DNM3: variants seen among roughly 807,000 people sequenced by gnomAD.
The protein encoded by DNM3 is dynamin 3, also known as dynamin-3.
DNM3 carries 47 observed loss-of-function variants against 101.6 expected under a neutral mutation model. The ratio of observed to expected loss-of-function variants is 0.46; its 90% CI spans 0.37 to 0.59. The LOEUF is 0.59. Among genes scored for constraint, DNM3 ranks in the 20% least tolerant of loss-of-function variants. DNM3 has a pLI of 0.00. For synonymous variants in DNM3, 385 were observed against 387.9 expected (o/e 0.99, Z 0.09); for missense variants, 849 against 1,085.7 (o/e 0.78, Z 3.06).
intron 4 of DNM3, among the ~76,000 whole-genome samples, chr1:172,026,471 T>A (rs1468983155): frequency 6.6e-6 from 1 of 151,734 alleles, no homozygotes; most frequent in African/African-American, 2.4e-5. Flanking sequence ...AGAAAGATAC[T>A]CCTTGAGAAG....
At chr1:172,316,801 C>A (rs972547868) in intron 16 of DNM3, among the ~76,000 whole-genome samples, 2 of 152,130 alleles carry the variant, frequency 1.3e-5, no homozygotes, top group African/African-American at 4.8e-5. Context: ...GAGACTTTAA[C>A]ACCCCACTGT....
chr1:171,896,918 A>C (rs2125206532), intron 1 of DNM3, among the ~76,000 whole-genome samples: 1 of 152,302 alleles, frequency 6.6e-6, no homozygotes, highest in Admixed American at 6.5e-5. Context: ...TGCTTTCTAA[A>C]GGGAAAAATT....
At chr1:172,333,416 C>A (rs1381710634) in intron 17 of DNM3, among the ~76,000 whole-genome samples, 1 of 152,094 alleles carries the variant, frequency 6.6e-6, no homozygotes, top group African/African-American at 2.4e-5. Context: ...AAGCCGTACA[C>A]CTGCATATTA....
chr1:172,388,603 G>A lies in DNM3; in HGVS notation c.2316G>A (p.Arg772=), dbSNP rs754506982. 3.7e-6 allele frequency: 6 copies of A among 1,613,832 alleles called. No individual in the cohort carries two copies. In the Admixed American group the frequency reaches 5.0e-5, roughly 13 times the overall value. ...RSPPPSPTTQ[R]RPTLSAPLAR... ...CTCCTCCAAGCCCCACAACCCAAAG[G>A]AGGCCAACACTAAGTGCTCCCCTCG... Residue 772 remains arginine (R), a synonymous_variant, in exon 20 of 21, where the codon AGG becomes AGA. Coordinates refer to ENST00000627582, the MANE Select transcript of DNM3 (RefSeq NM_015569.5).
intron 2 of DNM3, among the ~76,000 whole-genome samples, chr1:171,951,448 C>A (rs2042519569): frequency 6.6e-6 from 1 of 152,166 alleles, no homozygotes; most frequent in Non-Finnish European, 1.5e-5. Flanking sequence ...ACTTGATTTT[C>A]TCTTCTTTAA....
intron 14 of DNM3, chr1:172,131,754 G>A (rs1034404148): frequency 4.5e-5 from 16 of 351,728 alleles, no homozygotes; most frequent in Admixed American, 1.2e-4. Context: ...CGTCCACATC[G>A]CTAGTCTTCA....
chr1:171,966,319 C>T (rs1394899695), intron 2 of DNM3, among the ~76,000 whole-genome samples: 1 of 152,232 alleles, frequency 6.6e-6, no homozygotes, highest in Non-Finnish European at 1.5e-5. Context: ...GCTGCAGGAT[C>T]TCAAGCTCTC....
chr1:171,992,035 C>T (rs1571987916), intron 4 of DNM3, among the ~76,000 whole-genome samples: 2 of 152,180 alleles, frequency 1.3e-5, no homozygotes, highest in African/African-American at 4.8e-5. Context: ...TGTCTCACAT[C>T]CTCACAACTT....
At chr1:172,268,201 A>G (rs917308781) in intron 15 of DNM3, among the ~76,000 whole-genome samples, 3 of 152,064 alleles carry the variant, frequency 2.0e-5, no homozygotes, top group African/African-American at 7.3e-5. Flanking sequence ...ATTTGTCATT[A>G]TAAATCTGGA....
At chr1:172,060,593 G>A (rs1196081538) in intron 10 of DNM3, among the ~76,000 whole-genome samples, 9 of 80,266 alleles carry the variant, frequency 1.1e-4, no homozygotes, top group South Asian at 4.9e-4. Context: ...ACAAGCAATG[G>A]GGAAAGGATT....
chr1:172,418,354 G>A (rs773844677), exon 21 of DNM3: 47 of 1,283,422 alleles, frequency 3.7e-5, no homozygotes, highest in Non-Finnish European at 4.6e-5. Context: ...CCAACAACAT[G>A]TCTATCCATG....
At chr1:172,000,228 G>T (rs2046276464) in intron 4 of DNM3, among the ~76,000 whole-genome samples, 1 of 152,000 alleles carries the variant, frequency 6.6e-6, no homozygotes, top group African/African-American at 2.4e-5. Context: ...AGTGACTGTG[G>T]CATTCCAGAG....
intron 13 of DNM3, among the ~76,000 whole-genome samples, chr1:172,126,980 A>T (rs1438086027): frequency 1.3e-5 from 2 of 152,106 alleles, no homozygotes; most frequent in Non-Finnish European, 2.9e-5. Flanking sequence ...TGGAAAAGAG[A>T]ACACAATTAC....
chr1:171,949,158 T>G (rs1277351152), intron 2 of DNM3, among the ~76,000 whole-genome samples: 1 of 152,292 alleles, frequency 6.6e-6, no homozygotes, highest in East Asian at 1.9e-4. Context: ...AGTAAAATAT[T>G]ACTAATTTTT....
chr1:171,885,801 C>T (rs1171846272), intron 1 of DNM3, among the ~76,000 whole-genome samples: 2 of 152,126 alleles, frequency 1.3e-5, no homozygotes, highest in African/African-American at 2.4e-5. Context: ...GCAGACTCTA[C>T]CAGTGTATAC....
At chr1:172,066,828 G>T (rs891035872) in intron 10 of DNM3, among the ~76,000 whole-genome samples, 1 of 151,986 alleles carries the variant, frequency 6.6e-6, no homozygotes, top group Non-Finnish European at 1.5e-5. Context: ...CAGATACTAG[G>T]TAGTTTATAG....
At chr1:172,128,042 C>T (rs2056740806) in intron 13 of DNM3, among the ~76,000 whole-genome samples, 1 of 152,178 alleles carries the variant, frequency 6.6e-6, no homozygotes, top group African/African-American at 2.4e-5. Flanking sequence ...CAACCTCATA[C>T]TCCTTGAAAT....
chr1:171,886,897 T>G (rs2036827977), intron 1 of DNM3, among the ~76,000 whole-genome samples: 1 of 152,174 alleles, frequency 6.6e-6, no homozygotes, highest in Admixed American at 6.5e-5. Context: ...TCGTTTCTGG[T>G]TTAATGTTTT....
At chr1:171,875,380 C>T (rs2035667659) in intron 1 of DNM3, among the ~76,000 whole-genome samples, 1 of 152,100 alleles carries the variant, frequency 6.6e-6, no homozygotes, top group South Asian at 2.1e-4. Context: ...ATTGTTTGTA[C>T]CAAAGTTACT....
Sources: allele counts gnomAD v4.1 joint callset (sites outside exome capture counted in the v4.1 genomes callset), GRCh38; gene constraint gnomAD v4.1.1; transcripts MANE v1.5; gene names NCBI Gene and HGNC (gene_info 2026-07-23, HGNC 2026-07-21).